FAAP20: variants seen among roughly 807,000 people sequenced by gnomAD.
FAAP20 encodes Fanconi anemia core complex-associated protein 20.
FAAP20 carries 12 observed loss-of-function variants against 16.2 expected under a neutral mutation model. The ratio of observed to expected loss-of-function variants is 0.74; its 90% CI spans 0.48 to 1.20. The LOEUF is 1.20. Ranked by LOEUF, FAAP20 falls within the 50% of genes most tolerant of loss-of-function variation. FAAP20 has a pLI of 0.00. For synonymous variants in FAAP20, 141 were observed against 110.7 expected (o/e 1.27, Z -1.72); for missense variants, 288 against 245.8 (o/e 1.17, Z -1.15).
chr1:2,204,254 C>T (rs1238771913), upstream of FAAP20, among the ~76,000 whole-genome samples: 2 of 152,250 alleles, frequency 1.3e-5, no homozygotes, highest in African/African-American at 4.8e-5. Flanking sequence ...CCCAGGTGCC[C>T]GGCTGTTGGT....
intron 3 of FAAP20, chr1:2,193,215 A>C: frequency 3.2e-6 from 1 of 315,804 alleles, no homozygotes; most frequent in South Asian, 3.0e-5. Context: ...AAAAATACAT[A>C]AAAATATACG....
At chr1:2,207,897 T>G (rs1689319652), downstream of FAAP20, among the ~76,000 whole-genome samples, 1 of 148,794 alleles carries the variant, frequency 6.7e-6, no homozygotes, top group African/African-American at 2.5e-5. Context: ...GCGGGGCCGT[T>G]TTGGTAACAC....
chr1:2,203,354 A>G (rs561353600), upstream of FAAP20: 166 of 922,258 alleles, frequency 1.8e-4, 1 homozygote, highest in African/African-American at 2.7e-3. Flanking sequence ...CTCTCTGGAC[A>G]CCCCTCCGCA....
chr1:2,184,800 C>T (rs1687317098), downstream of FAAP20: 54 of 1,384,042 alleles, frequency 3.9e-5, no homozygotes, highest in Non-Finnish European at 5.4e-5. Flanking sequence ...TTGAGTCCCA[C>T]CCGCCTGGTG....
At chr1:2,189,441 G>C, downstream of FAAP20, 1 of 536,972 alleles carries the variant, frequency 1.9e-6, no homozygotes, top group South Asian at 2.1e-5. Flanking sequence ...CACAGTGGGG[G>C]CGCCAGGGGA....
chr1:2,199,655 C>T (rs75548669), upstream of FAAP20: 203 of 984,630 alleles, frequency 2.1e-4, 3 homozygotes, highest in East Asian at 0.018. The surrounding 1 kb of genome is among the most constrained non-coding windows in gnomAD (Gnocchi z 4.5). Context: ...TCCGAAGACT[C>T]ATGTCCACCA....
chr1:2,196,364 C>G (rs1688822709), upstream of FAAP20, among the ~76,000 whole-genome samples: 2 of 152,188 alleles, frequency 1.3e-5, no homozygotes, highest in Admixed American at 1.3e-4. This position sits in a 1 kb window ranked among gnomAD's most constrained non-coding sequence, Gnocchi z 4.5. Flanking sequence ...GAGTTTGAGA[C>G]CAGCCTGGGC....
chr1:2,193,123 A>T, intron 3 of FAAP20: 1 of 706,418 alleles, frequency 1.4e-6, no homozygotes. Flanking sequence ...CCAAGGGCCC[A>T]GAGGTCGCCA....
At chr1:2,186,116 T>A (rs1400763014), downstream of FAAP20, 3 of 450,198 alleles carry the variant, frequency 6.7e-6, no homozygotes, top group Non-Finnish European at 8.9e-6. Flanking sequence ...GGAGAGGGGG[T>A]CGCGCCACCT....
At chr1:2,199,372 C>G (rs1002514850), upstream of FAAP20, 5 of 1,021,622 alleles carry the variant, frequency 4.9e-6, no homozygotes, top group African/African-American at 8.7e-5. This position sits in a 1 kb window ranked among gnomAD's most constrained non-coding sequence, Gnocchi z 4.5. Flanking sequence ...CTCTGACGTC[C>G]CCCCGCCCGG....
intron 1 of FAAP20, 186 bp from the exon 2 acceptor site, chr1:2,194,319 G>A (rs1258041140): frequency 5.0e-5 from 24 of 480,232 alleles, no homozygotes; most frequent in Middle Eastern, 5.6e-4. Context: ...CGGAGATGAG[G>A]GGTACTGGGG....
chr1:2,192,248 G>A (rs981910828), intron 3 of FAAP20: 3 of 986,170 alleles, frequency 3.0e-6, no homozygotes, highest in Non-Finnish European at 3.6e-6. Flanking sequence ...CAGCTAGCCT[G>A]CCCATGCGGT....
At chr1:2,199,551 G>A (rs748713239), upstream of FAAP20, 250 of 985,842 alleles carry the variant, frequency 2.5e-4, no homozygotes, top group Non-Finnish European at 2.7e-4. The surrounding 1 kb of genome is among the most constrained non-coding windows in gnomAD (Gnocchi z 4.5). Flanking sequence ...CCAAGGAGCC[G>A]GTCAGGGAGT....
downstream of FAAP20, among the ~76,000 whole-genome samples, chr1:2,187,720 C>T (rs1234551091): frequency 1.3e-5 from 2 of 152,114 alleles, no homozygotes; most frequent in Admixed American, 6.5e-5. Context: ...CCTGCCCAGC[C>T]TCCCCCACCA....
intron 3 of FAAP20, chr1:2,191,854 C>T: frequency 1.0e-6 from 1 of 985,528 alleles, no homozygotes; most frequent in Non-Finnish European, 1.2e-6. Context: ...AGCTTCCCAT[C>T]CACCCACGTG....
At chr1:2,186,644 GGT>G (rs938293153), downstream of FAAP20, among the ~76,000 whole-genome samples, 2 of 152,194 alleles carry the variant, frequency 1.3e-5, no homozygotes, top group Non-Finnish European at 2.9e-5. Context: ...GTCTCACACA[GGT>G]GTCCCAGACC....
At position 2,190,721 on chromosome 1, in the gene FAAP20, T is replaced by C. The variant is rs182245381; in HGVS notation, c.471-940A>G. On this transcript the variant is annotated intron_variant, in intron 3 of 3. Coordinates refer to ENST00000378546, the MANE Select transcript of FAAP20 (RefSeq NM_182533.4). ...TGGAGGCCAAGTGGTCAGTGTCCCA[T>C]CAGAGTGACCATCCCTCACACGCCA... The C allele has an allele frequency of 2.5e-5, 8 of 317,350 alleles. No individual in the cohort carries two copies. The Admixed American group carries it at 3.2e-4, about 13-fold the overall frequency. 19.7% of individuals were successfully genotyped at this position (317,350 alleles called of 1,614,324 possible).
At chr1:2,198,767 C>G (rs993303982), upstream of FAAP20, 33 of 1,288,074 alleles carry the variant, frequency 2.6e-5, no homozygotes, top group Non-Finnish European at 3.2e-5. Context: ...CTGGCAAGGA[C>G]AGCCAAAAGG....
At chr1:2,201,163 T>G, upstream of FAAP20, 1 of 1,274,154 alleles carries the variant, frequency 7.8e-7, no homozygotes, top group Non-Finnish European at 1.0e-6. Flanking sequence ...ACTTTCTGAG[T>G]GACGTGCAGA....
Sources: allele counts gnomAD v4.1 joint callset (sites outside exome capture counted in the v4.1 genomes callset), GRCh38; gene constraint gnomAD v4.1.1; non-coding constraint Gnocchi (gnomAD v3.1); transcripts MANE v1.5; gene names NCBI Gene and HGNC (gene_info 2026-07-23, HGNC 2026-07-21).